PCDH15: variants seen among roughly 807,000 people sequenced by gnomAD.
PCDH15 encodes the protein protocadherin related 15, also known as protocadherin-15.
A neutral mutation model predicts 178.5 loss-of-function variants in PCDH15; 129 were observed. That is an observed-to-expected ratio of 0.72 (90% CI 0.63 to 0.84). The LOEUF is 0.84. Ranked by LOEUF, PCDH15 falls within the 40% of genes least tolerant of loss-of-function variation. The pLI, the probability that PCDH15 is intolerant of heterozygous loss-of-function variation, is 0.00. For synonymous variants in PCDH15, 800 were observed against 732.0 expected, an observed-to-expected ratio of 1.09 and a Z score of -1.50; for missense variants, 2,230 against 2,099.9, an observed-to-expected ratio of 1.06 and a Z score of -1.21.
chr10:55,437,822 T>C (rs1839078324), intron 2 of PCDH15, among the ~76,000 whole-genome samples: 1 of 149,866 alleles, frequency 6.7e-6, no homozygotes, highest in Non-Finnish European at 1.5e-5. Context: ...TTGTCTTTCT[T>C]ATTGCTTTTC....
At chr10:54,732,637 C>T (rs1294833997) in intron 1 of PCDH15, among the ~76,000 whole-genome samples, 1 of 151,494 alleles carries the variant, frequency 6.6e-6, no homozygotes, top group South Asian at 2.1e-4. Flanking sequence ...CAATTCTGAA[C>T]AATCCCTTCC....
intron 18 of PCDH15, among the ~76,000 whole-genome samples, chr10:54,036,123 C>T (rs563126573): frequency 6.6e-6 from 1 of 151,954 alleles, no homozygotes; most frequent in South Asian, 2.1e-4. Flanking sequence ...AAATAAAAAG[C>T]CATCTCCATA....
intron 10 of PCDH15, among the ~76,000 whole-genome samples, chr10:54,209,438 G>T (rs2051169469): frequency 6.6e-6 from 1 of 151,990 alleles, no homozygotes; most frequent in South Asian, 2.1e-4. Flanking sequence ...GGATTTCAAA[G>T]GTATCAGGAA....
intron 2 of PCDH15, chr10:55,513,246 T>C (rs1840930450): frequency 6.6e-6 from 1 of 152,134 alleles, no homozygotes; most frequent in African/African-American, 2.4e-5. Flanking sequence ...GGCTCTTACT[T>C]AGTTACCTAG....
In PCDH15 at chr10:54,923,114, A is replaced by C. The variant is rs1461523922; in HGVS notation, c.-79-25614T>G. ...TCTCCACATGCCTGCAGGCCCAACC[A>C]CGTGGAAGCTGCCCAGGCTTGAGGA... On this transcript the variant is annotated intron_variant, in intron 2 of 5. Coordinates refer to the PCDH15 transcript ENST00000458638. Among the ~76,000 whole-genome samples the C allele has an allele frequency of 3.0e-5, 3 of 98,616 alleles. 1 individual carries two copies. Among genetic ancestry groups the C allele is most frequent in the Non-Finnish European group, 8.2e-5 (3 of 36,592 alleles). The allele number at this position is 98,616 out of a possible 152,430, so 64.7% of individuals were successfully genotyped here. A position where few individuals can be genotyped will look rare whatever the true frequency, so the allele number is the denominator to read the frequency against.
rs182983068 is a variant in PCDH15, at chr10:55,242,514, G to C, written c.-155-75863C>G. 4.1e-4 allele frequency among the ~76,000 whole-genome samples: 62 copies of C among 152,088 alleles called. No individual in the cohort carries two copies. The East Asian group carries it at 0.011, about 27-fold the overall frequency. ...GTGTAAATATATAGTTTTTGTGTTT[G>C]CTTTCCTTTCATTTAAATGAGAAGA... is the stretch of plus-strand genomic sequence containing the variant. On this transcript the variant is annotated intron_variant, in intron 1 of 5. Coordinates refer to the PCDH15 transcript ENST00000458638.
Position 54,295,772 on chromosome 10 carries a change from G to A in PCDH15, c.876+21499C>T, listed in dbSNP as rs113374637. Among the ~76,000 whole-genome samples the A allele has an allele frequency of 9.1e-3, 1,383 of 152,200 alleles. 9 individuals are homozygous for A. The highest frequency in any genetic ancestry group is 0.017 in the Middle Eastern group (5 of 294). On this transcript the variant is annotated intron_variant, in intron 8 of 37. Coordinates refer to ENST00000644397, the MANE Select transcript of PCDH15 (RefSeq NM_001384140.1). Reference sequence around the variant, plus strand: ...TAATCACCAAGTAGTGAGTACCATCGGACCCCTTTCACTTGCAATTCTGTT... The same window carrying A: ...TAATCACCAAGTAGTGAGTACCATCAGACCCCTTTCACTTGCAATTCTGTT...
chr10:54,716,352 A>T (rs1236880885), intron 1 of PCDH15, among the ~76,000 whole-genome samples: 1 of 152,142 alleles, frequency 6.6e-6, no homozygotes, highest in African/African-American at 2.4e-5. Flanking sequence ...TTGAAATGCA[A>T]AACACAATAG....
intron 13 of PCDH15, among the ~76,000 whole-genome samples, chr10:54,177,586 C>CA (rs35753317): frequency 0.44 from 66,370 of 151,326 alleles, 16,231 homozygotes; most frequent in African/African-American, 0.64. Flanking sequence ...TAAAACTGCT[C>CA]AAAAAAAATC....
intron 2 of PCDH15, among the ~76,000 whole-genome samples, chr10:55,103,885 A>G (rs532246601): frequency 6.6e-6 from 1 of 152,142 alleles, no homozygotes; most frequent in Non-Finnish European, 1.5e-5. Context: ...GCTTACTGAC[A>G]AGGTACTTTC....
intron 15 of PCDH15, among the ~76,000 whole-genome samples, chr10:54,107,624 G>A (rs1184919023): frequency 6.6e-6 from 1 of 152,182 alleles, no homozygotes; most frequent in Non-Finnish European, 1.5e-5. Flanking sequence ...ATTGTTAAGA[G>A]TCTAATGAGG....
chr10:55,335,204 G>T (rs1469480088), intron 2 of PCDH15, among the ~76,000 whole-genome samples: 1 of 152,026 alleles, frequency 6.6e-6, no homozygotes, highest in African/African-American at 2.4e-5. Context: ...GTTAATCAAT[G>T]ACCTCCCATT....
intron 10 of PCDH15, among the ~76,000 whole-genome samples, chr10:54,201,146 G>T (rs2133978197): frequency 6.6e-6 from 1 of 152,274 alleles, no homozygotes; most frequent in African/African-American, 2.4e-5. Flanking sequence ...TCAGTGGATA[G>T]ATATGGAAAA....
intron 9 of PCDH15, among the ~76,000 whole-genome samples, chr10:54,234,048 T>C (rs116794103): frequency 0.012 from 1,756 of 152,042 alleles, 42 homozygotes; most frequent in African/African-American, 0.04. Context: ...GAGAAACACA[T>C]ATATTCAGAA....
At chr10:53,868,222 GATT>G (rs999701088) in intron 26 of PCDH15, among the ~76,000 whole-genome samples, 12 of 151,396 alleles carry the variant, frequency 7.9e-5, no homozygotes, top group African/African-American at 2.7e-4. Flanking sequence ...TTATAACAAT[GATT>G]ATTATTTTTA....
chr10:54,286,624 C>A (rs2059043718), intron 8 of PCDH15, among the ~76,000 whole-genome samples: 1 of 151,924 alleles, frequency 6.6e-6, no homozygotes, highest in Admixed American at 6.5e-5. Context: ...CATGACTCTT[C>A]CTGATTTTTT....
chr10:54,198,492 A>ATTTTTTTT (rs1423646160), intron 10 of PCDH15, among the ~76,000 whole-genome samples: 28 of 40,844 alleles, frequency 6.9e-4, no homozygotes, highest in East Asian at 3.5e-3. Context: ...ATATCTAATT[A>ATTTTTTTT]TTCTTTTTTT....
At chr10:54,141,031 T>C (rs2133176816) in intron 14 of PCDH15, among the ~76,000 whole-genome samples, 1 of 151,864 alleles carries the variant, frequency 6.6e-6, no homozygotes, top group Admixed American at 6.6e-5. Flanking sequence ...TACTTAAATA[T>C]ACAAATATAT....
intron 3 of PCDH15, among the ~76,000 whole-genome samples, chr10:54,462,473 TTTC>T (rs1565338626): frequency 9.3e-6 from 1 of 107,342 alleles, no homozygotes; most frequent in African/African-American, 3.6e-5. Flanking sequence ...TAATCCTTTC[TTTC>T]TTTCTTTTCT....
Sources: allele counts gnomAD v4.1 joint callset (sites outside exome capture counted in the v4.1 genomes callset), GRCh38; gene constraint gnomAD v4.1.1; transcripts MANE v1.5; gene names NCBI Gene and HGNC (gene_info 2026-07-23, HGNC 2026-07-21).